The following SLC1A4 variants were observed in gnomAD, a reference collection of about 807,000 sequenced individuals.
SLC1A4 encodes neutral amino acid transporter A.
A neutral mutation model predicts 37.7 loss-of-function variants in SLC1A4; 19 were observed. The observed-to-expected ratio is 0.50, with a 90% CI of 0.35 to 0.74. The LOEUF is 0.74. Ranked by LOEUF, SLC1A4 falls within the 30% of genes least tolerant of loss-of-function variation. The pLI, the probability that SLC1A4 is intolerant of heterozygous loss-of-function variation, is 0.01. For synonymous variants in SLC1A4, 299 were observed against 309.8 expected (o/e 0.97, Z 0.37); for missense variants, 570 against 712.9 (o/e 0.80, Z 2.28).
At position 64,989,761 on chromosome 2, in the gene SLC1A4, C is replaced by A. The variant is rs1369665919; in HGVS notation, c.118C>A (p.Arg40=). ...CGCACGGCGTTGCGCGGGCTTCCTGCGGCGCCAAGCGCTGGTGCTGCTCAC... is the reference window on the plus strand; with the variant it reads ...CGCACGGCGTTGCGCGGGCTTCCTGAGGCGCCAAGCGCTGGTGCTGCTCAC... The part of the protein sequence containing the change: ...GRARRCAGFL[R]RQALVLLTVS... The change falls in exon 1 of 8, where the codon CGG becomes AGG. Residue 40 remains arginine, a synonymous_variant. Coordinates refer to ENST00000234256, the MANE Select transcript of SLC1A4 (RefSeq NM_003038.5). 2 of 1,443,168 alleles carry A rather than the reference C, an allele frequency of 1.4e-6. No individual in the cohort carries two copies. Among genetic ancestry groups the A allele is most frequent in the Middle Eastern group, 2.4e-4 (1 of 4,090 alleles). 89.4% of individuals were successfully genotyped at this position (1,443,168 alleles called of 1,614,324 possible).
chr2:65,013,008 A>C (rs1673979688), intron 4 of SLC1A4, among the ~76,000 whole-genome samples: 1 of 152,232 alleles, frequency 6.6e-6, no homozygotes, highest in Non-Finnish European at 1.5e-5. Context: ...TCACAGTTCT[A>C]CAGGCTATAC....
intron 3 of SLC1A4, among the ~76,000 whole-genome samples, chr2:65,008,377 C>G (rs754486570): frequency 2.6e-5 from 4 of 152,188 alleles, no homozygotes; most frequent in Non-Finnish European, 5.9e-5. Flanking sequence ...GTGGCTCACA[C>G]CTGTAATAAT....
In SLC1A4 at chr2:64,989,577, G is replaced by C. The variant is rs1377058224; in HGVS notation, c.-67G>C. The stretch of plus-strand genomic sequence containing the variant: ...CAACTGGCCGACCGACCCATTCATT[G>C]GGAACCCCGTCTTTTGCCAGAGCCC... On this transcript the variant is annotated 5_prime_UTR_variant, in exon 1 of 8. Transcript: ENST00000234256. The C allele has an allele frequency of 7.4e-7, 1 of 1,356,228 alleles. No individual in the cohort carries two copies. The highest frequency in any genetic ancestry group is 9.6e-7 in the Non-Finnish European group (1 of 1,046,118). The allele number at this position is 1,356,228 out of a possible 1,614,324, so 84.0% of individuals were successfully genotyped here. A position where few individuals can be genotyped will look rare whatever the true frequency, so the allele number is the denominator to read the frequency against.
At position 65,010,610 on chromosome 2, in the gene SLC1A4, C is replaced by A; in HGVS notation, c.647C>A (p.Thr216Asn). 1 of 1,610,324 alleles carries A rather than the reference C, an allele frequency of 6.2e-7. No individual in the cohort carries two copies. Among genetic ancestry groups the A allele is most frequent in the South Asian group, 1.1e-5 (1 of 90,536 alleles). Residue 216 changes from threonine (T) to asparagine (N), a missense_variant, in exon 4 of 8, where the codon ACT (threonine) becomes AAT (asparagine). Thr to Asn is a moderately conservative substitution (Grantham distance 65). Coordinates refer to ENST00000234256, the MANE Select transcript of SLC1A4 (RefSeq NM_003038.5). ...NVTHEKIPIGTEIEGMNILGL... is the reference protein window; with the variant it reads ...NVTHEKIPIGNEIEGMNILGL... ...CTGATCCTGCAGATCCCCATAGGCA[C>A]TGAGATAGAAGGGATGAACATTTTA...
At chr2:65,001,356 C>A in intron 1 of SLC1A4, 92 bp from the exon 2 acceptor site, 4 of 1,148,032 alleles carry the variant, frequency 3.5e-6, no homozygotes, top group Non-Finnish European at 5.2e-6. Context: ...GAGCTGCAAT[C>A]ACACCACTGC....
At chr2:65,002,154 C>A (rs941075461) in intron 2 of SLC1A4, among the ~76,000 whole-genome samples, 2 of 152,028 alleles carry the variant, frequency 1.3e-5, no homozygotes, top group Admixed American at 6.6e-5. Context: ...GTGGCGTGCA[C>A]CTGTAACCCC....
intron 2 of SLC1A4, among the ~76,000 whole-genome samples, chr2:65,003,685 C>G (rs1673564614): frequency 6.6e-6 from 1 of 152,170 alleles, no homozygotes; most frequent in Non-Finnish European, 1.5e-5. Flanking sequence ...TTCTCCAAAC[C>G]ATTGCCCAAA....
intron 3 of SLC1A4, among the ~76,000 whole-genome samples, chr2:65,006,677 G>A (rs999573278): frequency 6.6e-6 from 1 of 152,086 alleles, no homozygotes; most frequent in Admixed American, 6.6e-5. Flanking sequence ...GGTGACTCAC[G>A]CTTGTAATCT....
At position 65,010,691 on chromosome 2, in the gene SLC1A4, AAGG is replaced by A; in HGVS notation, c.731_733del (p.Gly244del). 6.2e-7 allele frequency: 1 copy of A among 1,614,176 alleles called. No individual in the cohort carries two copies. Among genetic ancestry groups the A allele is most frequent in the Non-Finnish European group, 8.5e-7 (1 of 1,180,008 alleles). Reference sequence around the variant, plus strand: ...GTGGCCTTAAAGAAACTAGGCTCCGAAGGAGAAGACCTCATCCGTTTCTTCAAT... The same window carrying A: ...GTGGCCTTAAAGAAACTAGGCTCCGAAGAAGACCTCATCCGTTTCTTCAAT... On this transcript the variant is annotated inframe_deletion, in exon 4 of 8. Transcript: ENST00000234256.
intron 2 of SLC1A4, among the ~76,000 whole-genome samples, chr2:65,003,497 C>T (rs1381470494): frequency 6.6e-6 from 1 of 152,142 alleles, no homozygotes; most frequent in African/African-American, 2.4e-5. Flanking sequence ...ACGGTAGAAG[C>T]AGTCATGCTC....
rs1674397510 is a variant in SLC1A4, at chr2:65,021,011, A to G, written c.1464A>G (p.Glu488=). Residue 488 remains glutamate (E), a synonymous_variant, in exon 8 of 8, where the codon GAA becomes GAG. Coordinates refer to ENST00000234256, the MANE Select transcript of SLC1A4 (RefSeq NM_003038.5). ...NQKATKKGEQ[E]LAEVKVEAIP... ...AGGCAACAAAGAAAGGCGAGCAGGAACTTGCTGAGGTGAAAGTGGAAGCCA... is the reference window on the plus strand; with the variant it reads ...AGGCAACAAAGAAAGGCGAGCAGGAGCTTGCTGAGGTGAAAGTGGAAGCCA... 1 of 1,614,124 alleles carries G rather than the reference A, an allele frequency of 6.2e-7. No homozygotes were observed. Among genetic ancestry groups the G allele is most frequent in the African/African-American group, 1.3e-5 (1 of 74,934 alleles).
At position 65,018,483 on chromosome 2, in the gene SLC1A4, C is replaced by T. The variant is rs539088246; in HGVS notation, c.1230-62C>T. 3.9e-4 allele frequency: 628 copies of T among 1,595,074 alleles called. 1 individual carries two copies. The African/African-American group carries it at 7.4e-3, about 19-fold the overall frequency. The stretch of plus-strand genomic sequence containing the variant: ...AGCCACATTGCAGCTGCATGGTCTG[C>T]ATTTCTCTGTGTCCACTCCACGCTC... On this transcript the variant is annotated intron_variant, in intron 6 of 7. Transcript: ENST00000234256. The surrounding 1 kb of genome is among the most constrained non-coding windows in gnomAD (Gnocchi z 4.3).
At chr2:64,991,421 C>CTTT (rs3050297) in intron 1 of SLC1A4, among the ~76,000 whole-genome samples, 1,216 of 117,582 alleles carry the variant, frequency 0.01, 8 homozygotes, top group African/African-American at 0.015. Context: ...GGGATCACAG[C>CTTT]TTTTTTTTTT....
intron 4 of SLC1A4, among the ~76,000 whole-genome samples, chr2:65,015,792 G>GA (rs1336202730): frequency 1.3e-5 from 2 of 152,150 alleles, no homozygotes; most frequent in African/African-American, 4.8e-5. Flanking sequence ...TCAGCAGTTA[G>GA]AAAATTCTTC....
chr2:65,008,333 G>A (rs746889069), intron 3 of SLC1A4, among the ~76,000 whole-genome samples: 4 of 152,322 alleles, frequency 2.6e-5, no homozygotes, highest in South Asian at 2.1e-4. Flanking sequence ...TCCCAGGAGA[G>A]AGTAGTGACA....
intron 7 of SLC1A4, among the ~76,000 whole-genome samples, chr2:65,020,280 TA>T (rs1470789279): frequency 6.6e-6 from 1 of 152,204 alleles, no homozygotes; most frequent in African/African-American, 2.4e-5. Flanking sequence ...TTTGTTTACT[TA>T]TTAGAGTCAG....
chr2:65,015,005 A>AGGAGTACAATT (rs1223297986), intron 4 of SLC1A4, among the ~76,000 whole-genome samples: 2 of 152,264 alleles, frequency 1.3e-5, no homozygotes, highest in Non-Finnish European at 2.9e-5. Flanking sequence ...AGCCTTAGAA[A>AGGAGTACAATT]GGAGTACAAT....
chr2:65,000,336 T>G (rs1673411789), intron 1 of SLC1A4: 1 of 152,208 alleles, frequency 6.6e-6, no homozygotes, highest in Non-Finnish European at 1.5e-5. Flanking sequence ...AATTCTAAGA[T>G]GAAATCCATA....
rs1336127877 is a variant in SLC1A4 at position 65,016,495 on chromosome 2, G to A, written c.856G>A (p.Asp286Asn). The A allele has an allele frequency of 1.9e-6, 3 of 1,614,228 alleles. No individual in the cohort carries two copies. Among genetic ancestry groups the A allele is most frequent in the Non-Finnish European group, 2.5e-6 (3 of 1,180,036 alleles). Reference protein sequence around the residue: ...LVGSKIVEMKDIIVLVTSLGK... With the variant: ...LVGSKIVEMKNIIVLVTSLGK... Reference sequence around the variant, plus strand: ...TGGAAGCAAGATCGTGGAAATGAAAGACATCATCGTGCTGGTGACCAGCCT... The same window carrying A: ...TGGAAGCAAGATCGTGGAAATGAAAAACATCATCGTGCTGGTGACCAGCCT... The change falls in exon 5 of 8, where the codon GAC (aspartate) becomes AAC (asparagine). Residue 286 changes from aspartate to asparagine, a missense_variant. By Grantham distance (23) the Asp-to-Asn change is conservative (BLOSUM62 1). Coordinates refer to ENST00000234256, the MANE Select transcript of SLC1A4 (RefSeq NM_003038.5).
Sources: allele counts gnomAD v4.1 joint callset (sites outside exome capture counted in the v4.1 genomes callset), GRCh38; gene constraint gnomAD v4.1.1; non-coding constraint Gnocchi (gnomAD v3.1); transcripts MANE v1.5; gene names NCBI Gene and HGNC (gene_info 2026-07-23, HGNC 2026-07-21).